The following CTNNA3 variants were observed in gnomAD, a reference collection of about 807,000 sequenced individuals.
The protein encoded by CTNNA3 is catenin alpha-3.
In CTNNA3, 76 loss-of-function variants were observed where a neutral mutation model predicts 95.7. That is an observed-to-expected ratio of 0.79 (90% CI 0.66 to 0.96). The LOEUF (loss-of-function observed/expected upper bound fraction) is 0.96. Among genes scored for constraint, CTNNA3 ranks in the 40% least tolerant of loss-of-function variants. The probability of loss-of-function intolerance (pLI) is 0.00; values close to 1 mark genes in which losing one functional copy is unlikely to be tolerated. For missense variants in CTNNA3, 1,191 were observed against 1,089.8 expected, an observed-to-expected ratio of 1.09 and a Z score of -1.31; for synonymous variants, 431 against 374.4, an observed-to-expected ratio of 1.15 and a Z score of -1.74.
At chr10:67,728,071 A>G (rs1271020063) in intron 1 of CTNNA3, among the ~76,000 whole-genome samples, 1 of 140,724 alleles carries the variant, frequency 7.1e-6, no homozygotes, top group Non-Finnish European at 1.5e-5. Context: ...TGTATATTAC[A>G]TATTATATAT....
At chr10:67,104,532 G>C (rs1858519826) in intron 7 of CTNNA3, among the ~76,000 whole-genome samples, 1 of 151,866 alleles carries the variant, frequency 6.6e-6, no homozygotes, top group Non-Finnish European at 1.5e-5. Flanking sequence ...CTCACATCTT[G>C]AAAAACATCT....
intron 2 of CTNNA3, among the ~76,000 whole-genome samples, chr10:67,614,546 C>A (rs569893263): frequency 1.3e-5 from 2 of 152,222 alleles, no homozygotes; most frequent in South Asian, 4.1e-4. Flanking sequence ...TTCACTTTCC[C>A]ATGAGAATCT....
intron 1 of CTNNA3, among the ~76,000 whole-genome samples, chr10:67,726,079 T>A (rs1308789591): frequency 3.3e-5 from 4 of 122,132 alleles, no homozygotes; most frequent in African/African-American, 1.3e-4. Flanking sequence ...TATATTTAAA[T>A]TATATATTAT....
chr10:67,740,243 C>T (rs183246089), intron 1 of CTNNA3, among the ~76,000 whole-genome samples: 4,727 of 152,160 alleles, frequency 0.031, 241 homozygotes, highest in African/African-American at 0.11. Context: ...AGGACATAGG[C>T]ATGGGCAAAG....
intron 15 of CTNNA3, among the ~76,000 whole-genome samples, chr10:65,989,881 A>G (rs1248923115): frequency 6.6e-6 from 1 of 152,062 alleles, no homozygotes; most frequent in Non-Finnish European, 1.5e-5. Context: ...AACAAACACC[A>G]TGCCAAGCCT....
chr10:66,021,927 C>T (rs948810123), intron 15 of CTNNA3, among the ~76,000 whole-genome samples: 1 of 136,218 alleles, frequency 7.3e-6, no homozygotes, highest in Admixed American at 8.5e-5. Flanking sequence ...GACCGCAGCT[C>T]ATTGTAGCCT....
At chr10:66,781,537 C>T (rs185749606) in intron 7 of CTNNA3, among the ~76,000 whole-genome samples, 15 of 152,238 alleles carry the variant, frequency 9.9e-5, no homozygotes, top group Admixed American at 6.5e-5. Context: ...GCTAAATGAT[C>T]TGTCAGAAAT....
intron 7 of CTNNA3, among the ~76,000 whole-genome samples, chr10:66,844,064 T>C (rs2132356169): frequency 6.6e-6 from 1 of 152,344 alleles, no homozygotes; most frequent in Non-Finnish European, 1.5e-5. Flanking sequence ...CAAGCTTGTA[T>C]AGCTGGCTAG....
chr10:66,979,096 C>G (rs1850258686), intron 7 of CTNNA3, among the ~76,000 whole-genome samples: 1 of 150,800 alleles, frequency 6.6e-6, no homozygotes, highest in Admixed American at 6.7e-5. Flanking sequence ...TCCTGAGTAG[C>G]TGGGATTACA....
intron 11 of CTNNA3, among the ~76,000 whole-genome samples, chr10:66,386,690 C>A (rs1004136529): frequency 6.6e-6 from 1 of 152,178 alleles, no homozygotes; most frequent in Non-Finnish European, 1.5e-5. Context: ...TACTTGACTT[C>A]AAACTATACT....
intron 15 of CTNNA3, among the ~76,000 whole-genome samples, chr10:66,042,163 AG>A (rs1187432120): frequency 2.5e-4 from 38 of 152,358 alleles, no homozygotes; most frequent in African/African-American, 8.9e-4. Context: ...TCTTAGAGGT[AG>A]TAAACATCAT....
intron 7 of CTNNA3, among the ~76,000 whole-genome samples, chr10:66,866,956 T>C (rs1844204226): frequency 1.3e-5 from 2 of 152,046 alleles, no homozygotes; most frequent in Non-Finnish European, 2.9e-5. Context: ...ACTGCTCTCA[T>C]GGTGGTGAAT....
In CTNNA3 at chr10:67,497,981, T is replaced by G. The variant is rs180691165; in HGVS notation, c.579+23861A>C. ...ATTTTGGCTTTTGTTGCCATTGCTT[T>G]GGGTGTTTCAGTCACAAAGTCCTTG... On this transcript the variant is annotated intron_variant, in intron 5 of 17. Transcript: ENST00000433211. 4.3e-3 allele frequency among the ~76,000 whole-genome samples: 653 copies of G among 152,326 alleles called. 2 individuals carry two copies. The highest frequency in any genetic ancestry group is 5.8e-3 in the Non-Finnish European group (395 of 68,026).
intron 1 of CTNNA3, among the ~76,000 whole-genome samples, chr10:67,686,897 T>A (rs1840742364): frequency 6.6e-6 from 1 of 152,070 alleles, no homozygotes. Context: ...GATTCCCTCC[T>A]CAAGCAGGGG....
chr10:66,184,728 A>G (rs1033731254), intron 13 of CTNNA3, among the ~76,000 whole-genome samples: 9 of 152,334 alleles, frequency 5.9e-5, no homozygotes, highest in African/African-American at 2.2e-4. Flanking sequence ...TGTGCTTATC[A>G]GTACAGATAT....
intron 9 of CTNNA3, among the ~76,000 whole-genome samples, chr10:66,713,580 T>G (rs1474880702): frequency 6.6e-6 from 1 of 152,092 alleles, no homozygotes; most frequent in Non-Finnish European, 1.5e-5. Flanking sequence ...GGCAACACTG[T>G]CACAGTACAG....
intron 12 of CTNNA3, among the ~76,000 whole-genome samples, chr10:66,344,532 G>C (rs932882554): frequency 2.0e-5 from 3 of 151,888 alleles, no homozygotes; most frequent in Admixed American, 2.0e-4. Flanking sequence ...CAACCAAAGT[G>C]CTGGGATTAC....
At chr10:66,562,747 G>A (rs1296393486) in intron 10 of CTNNA3, among the ~76,000 whole-genome samples, 1 of 151,674 alleles carries the variant, frequency 6.6e-6, no homozygotes, top group African/African-American at 2.4e-5. Context: ...TTGTAAAATA[G>A]TCTAATAACT....
At chr10:67,045,218 G>C (rs1854652204) in intron 7 of CTNNA3, among the ~76,000 whole-genome samples, 1 of 152,074 alleles carries the variant, frequency 6.6e-6, no homozygotes, top group African/African-American at 2.4e-5. Context: ...TAGTTCTTGA[G>C]ATTACTCTAC....
Sources: gnomAD v4.1 joint callset for allele counts (sites outside exome capture counted in the v4.1 genomes callset) on GRCh38, gnomAD v4.1.1 for gene constraint, MANE v1.5 for transcripts, NCBI Gene and HGNC (gene_info 2026-07-23, HGNC 2026-07-21) for gene names.